The following DHCR7 variants were observed in gnomAD, a reference collection of about 807,000 sequenced individuals.
DHCR7 encodes the protein 7-dehydrocholesterol reductase.
DHCR7 carries 40 observed loss-of-function variants against 43.3 expected under a neutral mutation model. That is an observed-to-expected ratio of 0.92 (90% CI 0.72 to 1.20). DHCR7 has a LOEUF of 1.20. DHCR7 is among the 50% of genes most tolerant of loss of function. The pLI is 0.00. For missense variants in DHCR7, 608 were observed against 644.6 expected (o/e 0.94, Z 0.62); for synonymous variants, 298 against 271.4 (o/e 1.10, Z -0.96).
At chr11:71,435,881 G>T in intron 8 of DHCR7, 42 bp from the exon 9 acceptor site, 1 of 1,543,456 alleles carries the variant, frequency 6.5e-7, no homozygotes, top group South Asian at 1.1e-5. Context: ...GCTTTGCCCA[G>T]GGAGAGGACA....
Position 71,435,748 on chromosome 11 carries a change from C to T in DHCR7, c.1055G>A (p.Arg352Gln), listed in dbSNP as rs121909768. Residue 352 changes from arginine to glutamine, a missense_variant, in exon 9 of 9, where the codon CGG (arginine) becomes CAG (glutamine). Transcript: ENST00000355527. ...LLGLVGYYIFRVANHQKDLFR... is the reference protein window; with the variant it reads ...LLGLVGYYIFQVANHQKDLFR... ...CAGGTCCTTCTGGTGGTTGGCCACCCGGAAGATGTAGTAGCCCACCAGGCC... is the reference window on the plus strand; with the variant it reads ...CAGGTCCTTCTGGTGGTTGGCCACCTGGAAGATGTAGTAGCCCACCAGGCC... The T allele has an allele frequency of 1.8e-5, 29 of 1,612,012 alleles. No homozygotes were observed. Among genetic ancestry groups the T allele is most frequent in the East Asian group, 1.3e-4 (6 of 44,834 alleles).
intron 8 of DHCR7, 114 bp from the exon 9 acceptor site, chr11:71,435,953 G>A (rs561898240): frequency 5.7e-4 from 480 of 837,904 alleles, no homozygotes; most frequent in Non-Finnish European, 7.5e-4. Context: ...TCTGACACAC[G>A]CCTTGCCTCC....
chr11:71,443,447 C>T (rs1949369094), intron 4 of DHCR7, among the ~76,000 whole-genome samples: 1 of 152,192 alleles, frequency 6.6e-6, no homozygotes, highest in South Asian at 2.1e-4. Context: ...CAGCACCACC[C>T]ATGTGTGCAC....
At chr11:71,430,979 A>C (rs866829140), downstream of DHCR7, among the ~76,000 whole-genome samples, 1 of 152,152 alleles carries the variant, frequency 6.6e-6, no homozygotes, top group Admixed American at 6.5e-5. Context: ...ACATGGAGAA[A>C]CCCAGTCTCT....
At position 71,444,052 on chromosome 11, in the gene DHCR7, T is replaced by C; in HGVS notation, c.262A>G (p.Lys88Glu). ...GHARLSDIWA[K>E]TPPITRKAAQ... ...GCTTTCCTCGTTATAGGTGGAGTCT[T>C]GGCCCAGATGTCCGAGAGCCGAGCA... is the stretch of plus-strand genomic sequence containing the variant. The change falls in exon 4 of 9, where the codon AAG becomes GAG. Residue 88 changes from lysine to glutamate, a missense_variant. Coordinates refer to ENST00000355527, the MANE Select transcript of DHCR7 (RefSeq NM_001360.3). 1 of 1,613,782 alleles carries C rather than the reference T, an allele frequency of 6.2e-7. No homozygotes were observed. The highest frequency in any genetic ancestry group is 1.3e-5 in the African/African-American group (1 of 75,012).
chr11:71,431,144 G>A (rs1949226142), downstream of DHCR7, among the ~76,000 whole-genome samples: 1 of 152,216 alleles, frequency 6.6e-6, no homozygotes. Flanking sequence ...GACAGAGCAA[G>A]ACTCTGTCTC....
intron 2 of DHCR7, among the ~76,000 whole-genome samples, chr11:71,446,427 G>T (rs941439716): frequency 2.6e-5 from 4 of 152,180 alleles, no homozygotes; most frequent in African/African-American, 9.7e-5. Flanking sequence ...ACTATTTATT[G>T]ACTATTGTAT....
intron 8 of DHCR7, among the ~76,000 whole-genome samples, chr11:71,437,353 T>C (rs1949294779): frequency 6.6e-6 from 1 of 152,188 alleles, no homozygotes; most frequent in African/African-American, 2.4e-5. Context: ...GCAGCCACCT[T>C]ACCTGGGAGC....
At chr11:71,437,152 C>T (rs1949291772) in intron 8 of DHCR7, among the ~76,000 whole-genome samples, 1 of 152,220 alleles carries the variant, frequency 6.6e-6, no homozygotes, top group African/African-American at 2.4e-5. Context: ...ACAGGACTGG[C>T]TGTCACAGGT....
chr11:71,428,984 G>A (rs1949214589), intron 2 of DHCR7: 2 of 389,516 alleles, frequency 5.1e-6, no homozygotes, highest in African/African-American at 4.2e-5. Context: ...AGCCTTCCAA[G>A]TGTGCTCAGG....
At chr11:71,428,607 C>G in exon 3 of DHCR7, 1 of 323,558 alleles carries the variant, frequency 3.1e-6, no homozygotes, top group African/African-American at 2.2e-5. Flanking sequence ...TGTGAGGACA[C>G]TCCTAACAGT....
In DHCR7 at chr11:71,448,321, A is replaced by G. The variant is rs1949426993; in HGVS notation, c.-163T>C. ...ACACCTCGGCCCCTCACCTGCGCCC[A>G]CCTTCCCCTGGCCTCGCTTGCGCGC... On this transcript the variant is annotated 5_prime_UTR_variant, in exon 1 of 9. Coordinates refer to ENST00000355527, the MANE Select transcript of DHCR7 (RefSeq NM_001360.3). The G allele has an allele frequency of 6.5e-6, 1 of 153,962 alleles. No homozygotes were observed. Among genetic ancestry groups the G allele is most frequent in the South Asian group, 2.0e-4 (1 of 4,996 alleles). The allele number at this position is 153,962 out of a possible 1,614,324, so 9.5% of individuals were successfully genotyped here.
chr11:71,435,639 C>T lies in DHCR7; in HGVS notation c.1164G>A (p.Gln388=). The change falls in exon 9 of 9, where the codon CAG becomes CAA. Residue 388 remains glutamine, a synonymous_variant. Transcript: ENST00000355527. The part of the protein sequence containing the change: ...IECSYTSADG[Q]RHHSKLLVSG... Reference sequence around the variant, plus strand: ...ACACCAGCAGCTTGCTGTGGTGCCTCTGCCCATCGGCGGATGTGTAGGAGC... The same window carrying T: ...ACACCAGCAGCTTGCTGTGGTGCCTTTGCCCATCGGCGGATGTGTAGGAGC... 3 of 1,612,460 alleles carry T rather than the reference C, an allele frequency of 1.9e-6. No individual in the cohort carries two copies. The highest frequency in any genetic ancestry group is 2.5e-6 in the Non-Finnish European group (3 of 1,179,918).
chr11:71,447,114 C>T lies in DHCR7; in HGVS notation c.-7+496G>A, dbSNP rs558836732. On this transcript the variant is annotated intron_variant, in intron 2 of 8. Transcript: ENST00000355527. ...ACTGACTGGTGTTAATCCAGACCAC[C>T]CACATGCACACTTGCCTTACAGGAA... 5.3e-5 allele frequency among the ~76,000 whole-genome samples: 8 copies of T among 152,310 alleles called. No individual in the cohort carries two copies. In the South Asian group the frequency reaches 1.7e-3, roughly 32 times the overall value.
chr11:71,447,156 G>T (rs143133698), intron 2 of DHCR7, among the ~76,000 whole-genome samples: 2 of 152,328 alleles, frequency 1.3e-5, no homozygotes, highest in African/African-American at 4.8e-5. Flanking sequence ...GTAGAATGGG[G>T]TGGCATTCGT....
Position 71,442,382 on chromosome 11 carries a change from C to A in DHCR7, c.322-29G>T, listed in dbSNP as rs367718693. The A allele has an allele frequency of 1.5e-5, 24 of 1,565,824 alleles. 1 individual carries two copies. In the East Asian group the frequency reaches 4.9e-4, roughly 32 times the overall value. ...AAACACACAAGCAGCCTGATCACCCCCCGCCTGGAGGGCACCTGCAAAGGG... is the reference window on the plus strand; with the variant it reads ...AAACACACAAGCAGCCTGATCACCCACCGCCTGGAGGGCACCTGCAAAGGG... On this transcript the variant is annotated intron_variant, in intron 4 of 8. Coordinates refer to ENST00000355527, the MANE Select transcript of DHCR7 (RefSeq NM_001360.3).
At position 71,434,575 on chromosome 11, in the gene DHCR7, A is replaced by T. The variant is rs1055475158; in HGVS notation, c.*800T>A. The T allele has an allele frequency of 6.4e-6, 1 of 156,396 alleles. No individual in the cohort carries two copies. Among genetic ancestry groups the T allele is most frequent in the African/African-American group, 2.4e-5 (1 of 41,458 alleles). The allele number at this position is 156,396 out of a possible 1,614,324, so 9.7% of individuals were successfully genotyped here. On this transcript the variant is annotated 3_prime_UTR_variant, in exon 9 of 9. Coordinates refer to ENST00000355527, the MANE Select transcript of DHCR7 (RefSeq NM_001360.3). ...GCTGGGACTGAGACCTCCTCGCTGGAGAAGGTGTGGGAGGCCCCTGAGGGT... is the reference window on the plus strand; with the variant it reads ...GCTGGGACTGAGACCTCCTCGCTGGTGAAGGTGTGGGAGGCCCCTGAGGGT...
At chr11:71,433,521 C>G (rs562920629), downstream of DHCR7, among the ~76,000 whole-genome samples, 5 of 152,240 alleles carry the variant, frequency 3.3e-5, no homozygotes, top group Admixed American at 6.5e-5. Context: ...CAAGAGCTCT[C>G]CCAGCAAATT....
At chr11:71,443,106 C>T (rs1014990879) in intron 4 of DHCR7, among the ~76,000 whole-genome samples, 6 of 152,210 alleles carry the variant, frequency 3.9e-5, no homozygotes, top group Admixed American at 2.0e-4. Flanking sequence ...AAGGGTCATC[C>T]GCCTACTGGC....
Sources: gnomAD v4.1 joint callset for allele counts (sites outside exome capture counted in the v4.1 genomes callset) on GRCh38, gnomAD v4.1.1 for gene constraint, MANE v1.5 for transcripts, NCBI Gene and HGNC (gene_info 2026-07-23, HGNC 2026-07-21) for gene names.